The following DOK5 variants were observed in gnomAD, a reference collection of about 807,000 sequenced individuals.
DOK5 encodes docking protein 5.
Under a neutral mutation model 43.3 loss-of-function variants are expected in DOK5, and 27 were observed. That is an observed-to-expected ratio of 0.62 (90% CI 0.46 to 0.86). The LOEUF is 0.86. DOK5 is among the 40% of genes least tolerant of loss of function. DOK5 has a pLI of 0.00. For missense variants in DOK5, 373 were observed against 392.9 expected (o/e 0.95, Z 0.43); for synonymous variants, 146 against 140.1 (o/e 1.04, Z -0.30).
intron 6 of DOK5, among the ~76,000 whole-genome samples, chr20:54,620,673 C>T (rs907432218): frequency 6.6e-6 from 1 of 152,138 alleles, no homozygotes; most frequent in Non-Finnish European, 1.5e-5. Flanking sequence ...ATTAAATCCA[C>T]ACATCTTTTT....
chr20:54,636,221 A>G (rs967124356), intron 6 of DOK5, among the ~76,000 whole-genome samples: 3 of 152,242 alleles, frequency 2.0e-5, no homozygotes, highest in Non-Finnish European at 4.4e-5. Flanking sequence ...GGCCAAGCTA[A>G]CTTTAAGAGA....
rs1181344264 is a variant in DOK5 at position 54,582,433 on chromosome 20, C to T, written c.175-6050C>T. On this transcript the variant is annotated intron_variant, in intron 2 of 7. Coordinates refer to ENST00000262593, the MANE Select transcript of DOK5 (RefSeq NM_018431.5). ...TTTTGAAGAGGTTGAGAAGAATTTG[C>T]ATTAATTCTTCTTTAAATGTTTTGT... Among the ~76,000 whole-genome samples, 3 of 151,468 alleles carry T rather than the reference C, an allele frequency of 2.0e-5. No homozygotes were observed. The East Asian group carries it at 5.9e-4, about 30-fold the overall frequency.
rs1979661430 is a variant in DOK5, at chr20:54,650,794, A to AAGT, written c.*316_*317insGTA. On this transcript the variant is annotated 3_prime_UTR_variant, in exon 8 of 8. Transcript: ENST00000262593. ...ATACTTTGTCCCTTGCACTTCTCTG[A>AAGT]ATCTGTCCTTTTGTGGATTCTTGTG... The AAGT allele has an allele frequency of 4.6e-6, 1 of 218,538 alleles. No individual in the cohort carries two copies. Among genetic ancestry groups the AAGT allele is most frequent in the Non-Finnish European group, 9.0e-6 (1 of 111,600 alleles). The allele number at this position is 218,538 out of a possible 1,614,324, so 13.5% of individuals were successfully genotyped here.
intron 5 of DOK5, among the ~76,000 whole-genome samples, chr20:54,609,520 A>G (rs1986576330): frequency 6.6e-6 from 1 of 151,672 alleles, no homozygotes; most frequent in African/African-American, 2.4e-5. Flanking sequence ...AAATATATAT[A>G]TAGCATATAT....
At chr20:54,538,867 T>C (rs1984043625) in intron 1 of DOK5, among the ~76,000 whole-genome samples, 2 of 152,176 alleles carry the variant, frequency 1.3e-5, no homozygotes, top group African/African-American at 4.8e-5. Flanking sequence ...ATTAGTACAA[T>C]GGAATATCAT....
intron 6 of DOK5, among the ~76,000 whole-genome samples, chr20:54,617,241 T>C (rs1029583082): frequency 6.6e-6 from 1 of 152,272 alleles, no homozygotes; most frequent in African/African-American, 2.4e-5. Context: ...ACATACTTCA[T>C]CAAAGCCAGC....
chr20:54,510,705 C>T (rs1427184735), intron 1 of DOK5, among the ~76,000 whole-genome samples: 1 of 152,170 alleles, frequency 6.6e-6, no homozygotes, highest in African/African-American at 2.4e-5. Context: ...AGTTCCCTTA[C>T]ATTGCCCTGG....
chr20:54,646,466 T>C (rs1275739724), intron 7 of DOK5, among the ~76,000 whole-genome samples: 1 of 152,098 alleles, frequency 6.6e-6, no homozygotes, highest in Non-Finnish European at 1.5e-5. Context: ...TTGCCCAGAC[T>C]GGTCTCAAAC....
At chr20:54,633,996 C>A (rs554352160) in intron 6 of DOK5, among the ~76,000 whole-genome samples, 56 of 152,302 alleles carry the variant, frequency 3.7e-4, no homozygotes, top group African/African-American at 1.3e-3. Flanking sequence ...GAGGCTAAGA[C>A]CTGCCACTGC....
At chr20:54,642,662 G>T (rs1395607922) in intron 6 of DOK5, among the ~76,000 whole-genome samples, 11 of 152,046 alleles carry the variant, frequency 7.2e-5, no homozygotes, top group Non-Finnish European at 1.2e-4. Flanking sequence ...GGCGGAGGTT[G>T]CAGTGAGCTG....
chr20:54,631,590 A>G (rs1978570253), intron 6 of DOK5, among the ~76,000 whole-genome samples: 1 of 152,128 alleles, frequency 6.6e-6, no homozygotes, highest in African/African-American at 2.4e-5. Flanking sequence ...ATACGGGTTG[A>G]TTTAAAATCT....
chr20:54,553,451 T>C (rs888140256), intron 1 of DOK5, among the ~76,000 whole-genome samples: 12 of 151,122 alleles, frequency 7.9e-5, no homozygotes, highest in African/African-American at 2.7e-4. Context: ...GGCCTCGGCC[T>C]CCCAAAGTGC....
At chr20:54,601,554 T>C (rs1345530612) in intron 5 of DOK5, among the ~76,000 whole-genome samples, 2 of 152,242 alleles carry the variant, frequency 1.3e-5, no homozygotes, top group Non-Finnish European at 2.9e-5. Flanking sequence ...TGTTGGTTGG[T>C]TTTTCCACCA....
chr20:54,512,851 G>A (rs1200966935), intron 1 of DOK5, among the ~76,000 whole-genome samples: 1 of 152,178 alleles, frequency 6.6e-6, no homozygotes, highest in Non-Finnish European at 1.5e-5. Flanking sequence ...AGGAAGCAGA[G>A]AGGAGCAAGA....
intron 1 of DOK5, among the ~76,000 whole-genome samples, chr20:54,495,492 T>A (rs1214981353): frequency 6.6e-6 from 1 of 152,236 alleles, no homozygotes; most frequent in African/African-American, 2.4e-5. Flanking sequence ...TTCTCATAAC[T>A]GTCAATTTCA....
intron 2 of DOK5, among the ~76,000 whole-genome samples, chr20:54,566,475 C>A (rs1172531961): frequency 1.3e-5 from 2 of 152,132 alleles, no homozygotes; most frequent in East Asian, 3.8e-4. Context: ...GGTAGTTGCA[C>A]GTTTAGTTTT....
intron 1 of DOK5, among the ~76,000 whole-genome samples, chr20:54,514,907 T>C (rs1181032438): frequency 6.6e-6 from 1 of 151,778 alleles, no homozygotes; most frequent in Non-Finnish European, 1.5e-5. Context: ...GTCCCTCCCT[T>C]CTTCTCTTCT....
chr20:54,601,532 T>C (rs1404604210), intron 5 of DOK5, among the ~76,000 whole-genome samples: 1 of 152,252 alleles, frequency 6.6e-6, no homozygotes, highest in Non-Finnish European at 1.5e-5. Context: ...ATAATTAATT[T>C]ATTCTTCTGT....
intron 2 of DOK5, among the ~76,000 whole-genome samples, chr20:54,556,468 ACT>A (rs1984711012): frequency 6.6e-6 from 1 of 152,136 alleles, no homozygotes; most frequent in African/African-American, 2.4e-5. Flanking sequence ...CTTGAGCCAA[ACT>A]CTCCACTTTT....
Sources: allele counts gnomAD v4.1 joint callset (sites outside exome capture counted in the v4.1 genomes callset), GRCh38; gene constraint gnomAD v4.1.1; transcripts MANE v1.5; gene names NCBI Gene and HGNC (gene_info 2026-07-23, HGNC 2026-07-21).